The following OPCML variants were observed in gnomAD, a reference collection of about 807,000 sequenced individuals.
The protein encoded by OPCML is opioid-binding protein/cell adhesion molecule.
OPCML carries 13 observed loss-of-function variants against 37.8 expected under a neutral mutation model. The observed-to-expected ratio is 0.34, with a 90% CI of 0.22 to 0.55. The LOEUF is 0.55. Among genes scored for constraint, OPCML ranks in the 20% least tolerant of loss-of-function variants. The probability of loss-of-function intolerance (pLI) is 0.91; values close to 1 mark genes in which losing one functional copy is unlikely to be tolerated. For synonymous variants in OPCML, 176 were observed against 168.8 expected, an observed-to-expected ratio of 1.04 and a Z score of -0.33; for missense variants, 341 against 435.6, an observed-to-expected ratio of 0.78 and a Z score of 1.93.
intron 2 of OPCML, among the ~76,000 whole-genome samples, chr11:132,711,752 A>T (rs1017020471): frequency 6.6e-6 from 1 of 152,218 alleles, no homozygotes; most frequent in Non-Finnish European, 1.5e-5. Context: ...GTACACACAC[A>T]TATATGGTGC....
At position 133,285,610 on chromosome 11, in the gene OPCML, G is replaced by A. The variant is rs118141582; in HGVS notation, c.61+246654C>T. On this transcript the variant is annotated intron_variant, in intron 1 of 7. Coordinates refer to ENST00000524381, the MANE Select transcript of OPCML (RefSeq NM_001012393.5). ...AAAAGGAGCCAGCTAGGGAAGGAGT[G>A]CTACGTCTCCAATTAACTGTGACCC... Among the ~76,000 whole-genome samples the A allele has an allele frequency of 2.6e-3, 397 of 152,306 alleles. 2 individuals carry two copies. The East Asian group carries it at 0.03, about 12-fold the overall frequency.
intron 3 of OPCML, among the ~76,000 whole-genome samples, chr11:132,562,941 A>T (rs763817310): frequency 6.6e-6 from 1 of 152,206 alleles, no homozygotes; most frequent in Non-Finnish European, 1.5e-5. Context: ...GAGCTCAGCA[A>T]GTGTAGATAG....
chr11:132,963,971 G>A (rs1331211354), intron 1 of OPCML, among the ~76,000 whole-genome samples: 3 of 152,112 alleles, frequency 2.0e-5, no homozygotes, highest in Non-Finnish European at 4.4e-5. Context: ...GTTCAGGTGA[G>A]TGAATGTATA....
chr11:133,128,265 C>A (rs930726965), intron 1 of OPCML, among the ~76,000 whole-genome samples: 2 of 152,152 alleles, frequency 1.3e-5, no homozygotes, highest in Non-Finnish European at 2.9e-5. Flanking sequence ...CTCAAATACC[C>A]CTATGGAGGT....
intron 1 of OPCML, among the ~76,000 whole-genome samples, chr11:133,161,088 C>G (rs535403612): frequency 6.6e-6 from 1 of 152,148 alleles, no homozygotes; most frequent in African/African-American, 2.4e-5. Context: ...ATCTCTTAAT[C>G]GACTAAAGGG....
intron 4 of OPCML, among the ~76,000 whole-genome samples, chr11:132,457,695 T>C (rs1288432406): frequency 6.6e-6 from 1 of 152,196 alleles, no homozygotes; most frequent in Non-Finnish European, 1.5e-5. Context: ...CTTTCTCTGG[T>C]GCTGTCCATG....
intron 3 of OPCML, among the ~76,000 whole-genome samples, chr11:132,563,794 C>T (rs1173977898): frequency 3.5e-5 from 5 of 142,958 alleles, no homozygotes; most frequent in Admixed American, 7.3e-5. Context: ...AAAAAAACAA[C>T]GAAAACAACA....
chr11:133,011,461 C>A (rs546342143), intron 1 of OPCML, among the ~76,000 whole-genome samples: 1 of 152,236 alleles, frequency 6.6e-6, no homozygotes, highest in African/African-American at 2.4e-5. Context: ...AGTCAATGAC[C>A]TTTTAGGTTC....
intron 4 of OPCML, among the ~76,000 whole-genome samples, chr11:132,475,339 C>T (rs2096151689): frequency 6.6e-6 from 1 of 152,194 alleles, no homozygotes; most frequent in East Asian, 1.9e-4. Flanking sequence ...ACATGGAACT[C>T]TGAAGAGCTG....
chr11:132,719,234 A>C (rs1443522074), intron 2 of OPCML, among the ~76,000 whole-genome samples: 1 of 152,176 alleles, frequency 6.6e-6, no homozygotes, highest in Non-Finnish European at 1.5e-5. Flanking sequence ...TCGTTTGGGG[A>C]GACAGAGAAA....
rs114042907 is a variant in OPCML, at chr11:133,336,805, C to T, written c.61+195459G>A. 7.4e-3 allele frequency among the ~76,000 whole-genome samples: 1,121 copies of T among 152,292 alleles called. 10 individuals are homozygous for T. The highest frequency in any genetic ancestry group is 0.026 in the African/African-American group (1,066 of 41,568). On this transcript the variant is annotated intron_variant, in intron 1 of 7. Transcript: ENST00000524381. ...TTTGTTATGAAAAGAATGAGGACTT[C>T]TTCCTCCCCATTTTTGTGATACCCA...
intron 1 of OPCML, among the ~76,000 whole-genome samples, chr11:133,226,139 A>C (rs1011288321): frequency 6.6e-6 from 1 of 152,230 alleles, no homozygotes; most frequent in Non-Finnish European, 1.5e-5. Flanking sequence ...GACTGACTGG[A>C]TGTACCCCAA....
intron 5 of OPCML, 66 bp downstream of exon 5, chr11:132,437,156 C>A (rs2096015773): frequency 1.3e-6 from 2 of 1,582,236 alleles, no homozygotes; most frequent in Non-Finnish European, 1.7e-6. Context: ...ACTGCCATTA[C>A]CAGATTGTCC....
intron 3 of OPCML, among the ~76,000 whole-genome samples, chr11:132,597,464 T>G (rs2096494154): frequency 6.6e-6 from 1 of 152,212 alleles, no homozygotes; most frequent in South Asian, 2.1e-4. Context: ...CTTGACTCTT[T>G]TCTGCTAACA....
At chr11:132,998,146 A>G (rs1026882513) in intron 1 of OPCML, among the ~76,000 whole-genome samples, 1 of 152,184 alleles carries the variant, frequency 6.6e-6, no homozygotes, top group Admixed American at 6.5e-5. Context: ...TGAGTCCCCC[A>G]AGAAACATCC....
intron 2 of OPCML, among the ~76,000 whole-genome samples, chr11:132,692,755 C>A (rs1255514081): frequency 1.3e-5 from 2 of 152,168 alleles, no homozygotes; most frequent in African/African-American, 4.8e-5. Context: ...TTAAACAAAG[C>A]AAACATCACC....
Position 133,432,373 on chromosome 11 carries a change from A to AT in OPCML, c.61+99890_61+99891insA, listed in dbSNP as rs1565630607. ...GTATCTATTTTTTTAAAAAAAACAC[A>AT]CTTTTTTAGAAATGGGGACTTACTG... On this transcript the variant is annotated intron_variant, in intron 1 of 7. Coordinates refer to ENST00000524381, the MANE Select transcript of OPCML (RefSeq NM_001012393.5). Among the ~76,000 whole-genome samples the AT allele has an allele frequency of 7.9e-5, 12 of 152,044 alleles. No homozygotes were observed. The East Asian group carries it at 1.9e-3, about 25-fold the overall frequency.
intron 1 of OPCML, among the ~76,000 whole-genome samples, chr11:133,516,982 G>A (rs1305037790): frequency 6.6e-6 from 1 of 152,238 alleles, no homozygotes; most frequent in East Asian, 1.9e-4. Flanking sequence ...CCCACATCCA[G>A]AGTGAGCTGT....
intron 7 of OPCML, among the ~76,000 whole-genome samples, chr11:132,433,890 T>A (rs886291274): frequency 6.6e-6 from 1 of 152,234 alleles, no homozygotes; most frequent in Non-Finnish European, 1.5e-5. Flanking sequence ...TCCAGGACTT[T>A]GAGATAATAA....
Sources: allele counts gnomAD v4.1 joint callset (sites outside exome capture counted in the v4.1 genomes callset), GRCh38; gene constraint gnomAD v4.1.1; transcripts MANE v1.5; gene names NCBI Gene and HGNC (gene_info 2026-07-23, HGNC 2026-07-21).